Variants in PTPRQ observed in about 807,000 individuals in gnomAD.
PTPRQ encodes phosphatidylinositol phosphatase PTPRQ.
Under a neutral mutation model 246.0 loss-of-function variants are expected in PTPRQ, and 199 were observed. That is an observed-to-expected ratio of 0.81 (90% confidence interval 0.72 to 0.91). The LOEUF is 0.91. PTPRQ is among the 40% of genes least tolerant of loss of function. PTPRQ has a pLI of 0.00. For synonymous variants in PTPRQ, 869 were observed against 853.2 expected (o/e 1.02, Z -0.32); for missense variants, 2,624 against 2,528.4 (o/e 1.04, Z -0.81).
At chr12:80,557,396 C>T (rs1431408320) in intron 25 of PTPRQ, among the ~76,000 whole-genome samples, 1 of 151,086 alleles carries the variant, frequency 6.6e-6, no homozygotes, top group African/African-American at 2.4e-5. Flanking sequence ...TGCATGGGGA[C>T]AGAGATTTTT....
Position 80,669,056 on chromosome 12 carries a change from G to A in PTPRQ, c.6242G>A (p.Gly2081Glu). ...EFIATQGPLPGTVGDFWRMVW... is the reference protein window; with the variant it reads ...EFIATQGPLPETVGDFWRMVW... ...ATTGCTACTCAAGGTCCACTACCAGGAACAGTTGGAGATTTTTGGAGAATG... is the reference window on the plus strand; with the variant it reads ...ATTGCTACTCAAGGTCCACTACCAGAAACAGTTGGAGATTTTTGGAGAATG... Residue 2081 changes from glycine to glutamate, a missense_variant, in exon 40 of 45, where the codon GGA becomes GAA. Coordinates refer to ENST00000644991, the MANE Select transcript of PTPRQ (RefSeq NM_001145026.2). 1 of 1,550,510 alleles carries A rather than the reference G, an allele frequency of 6.4e-7. No homozygotes were observed. Among genetic ancestry groups the A allele is most frequent in the Non-Finnish European group, 8.7e-7 (1 of 1,146,066 alleles).
chr12:80,659,638 AC>A (rs1900562866), intron 39 of PTPRQ, among the ~76,000 whole-genome samples: 1 of 152,002 alleles, frequency 6.6e-6, no homozygotes, highest in Non-Finnish European at 1.5e-5. Flanking sequence ...ATTTTCGCAA[AC>A]CCCCAGTGTC....
chr12:80,546,005 A>G (rs1896293549), intron 23 of PTPRQ, among the ~76,000 whole-genome samples: 1 of 152,044 alleles, frequency 6.6e-6, no homozygotes, highest in Non-Finnish European at 1.5e-5. Flanking sequence ...ATGAAAATAA[A>G]ACACTCTAGT....
chr12:80,471,525 T>C (rs1424176862), intron 7 of PTPRQ, among the ~76,000 whole-genome samples: 1 of 25,674 alleles, frequency 3.9e-5, no homozygotes, highest in Non-Finnish European at 7.4e-5. Flanking sequence ...TCGCCCAGGC[T>C]GGAGTGCAGT....
intron 17 of PTPRQ, among the ~76,000 whole-genome samples, chr12:80,529,395 T>C (rs778978880): frequency 1.1e-4 from 16 of 152,152 alleles, no homozygotes; most frequent in Non-Finnish European, 2.1e-4. Context: ...TCAGGGTAGA[T>C]TATGCACATG....
At chr12:80,468,062 G>T (rs1193152705) in intron 6 of PTPRQ, among the ~76,000 whole-genome samples, 2 of 151,958 alleles carry the variant, frequency 1.3e-5, no homozygotes, top group African/African-American at 4.8e-5. Context: ...GGTGAAATTT[G>T]CTAGACAATA....
rs548692924 is a variant in PTPRQ, at chr12:80,581,482, G to A, written c.4286-6647G>A. 5.1e-4 allele frequency among the ~76,000 whole-genome samples: 78 copies of A among 152,002 alleles called. 1 individual carries two copies. Among genetic ancestry groups the A allele is most frequent in the African/African-American group, 1.4e-3 (56 of 41,466 alleles). ...GCAACTCCATCTCTACAAAAAGTACGAAATTAGTTGGGTGTGATGGCACAC... is the reference window on the plus strand; with the variant it reads ...GCAACTCCATCTCTACAAAAAGTACAAAATTAGTTGGGTGTGATGGCACAC... On this transcript the variant is annotated intron_variant, in intron 25 of 44. Transcript: ENST00000644991.
At chr12:80,542,063 T>C (rs1295544840) in intron 21 of PTPRQ, 26 bp from the exon 22 acceptor site, 5 of 1,526,434 alleles carry the variant, frequency 3.3e-6, no homozygotes, top group African/African-American at 1.4e-5. Flanking sequence ...TTTTGTTTCA[T>C]TTAATATTCT....
In PTPRQ at chr12:80,542,358, G is replaced by T; in HGVS notation, c.3715G>T (p.Glu1239Ter). Residue 1239 changes from glutamate to a stop codon, truncating the protein, a stop_gained, in exon 22 of 45, where the codon GAG (glutamate) becomes TAG (stop). Coordinates refer to ENST00000644991, the MANE Select transcript of PTPRQ (RefSeq NM_001145026.2). LOFTEE classifies it high-confidence loss of function. ...CAGTATTCTTTTCTTTTACACAGAT[G>T]AGTCAGGTAAGCCAGAATCCACATT... ...PSSILFFYTD[E>*]SVPLAPPQNL... The T allele has an allele frequency of 6.5e-7, 1 of 1,532,148 alleles. No individual in the cohort carries two copies. Among genetic ancestry groups the T allele is most frequent in the South Asian group, 1.3e-5 (1 of 79,006 alleles). The allele number at this position is 1,532,148 out of a possible 1,614,324, so 94.9% of individuals were successfully genotyped here.
At chr12:80,623,215 G>T (rs986969919) in intron 33 of PTPRQ, among the ~76,000 whole-genome samples, 2 of 152,076 alleles carry the variant, frequency 1.3e-5, no homozygotes, top group African/African-American at 4.8e-5. Flanking sequence ...ATTCTCATTG[G>T]GTTATGGAAA....
intron 20 of PTPRQ, among the ~76,000 whole-genome samples, chr12:80,540,744 A>G (rs1223830666): frequency 1.3e-5 from 2 of 152,100 alleles, no homozygotes; most frequent in East Asian, 1.9e-4. Context: ...TAAATGATAA[A>G]TGTGGGGAAA....
chr12:80,552,712 G>A (rs556256737), intron 25 of PTPRQ, among the ~76,000 whole-genome samples: 7 of 123,116 alleles, frequency 5.7e-5, no homozygotes, highest in Admixed American at 3.8e-4. Context: ...TTTGAATTCC[G>A]TCTTAACTCA....
At chr12:80,532,803 G>A (rs1036501490) in intron 17 of PTPRQ, among the ~76,000 whole-genome samples, 4 of 152,238 alleles carry the variant, frequency 2.6e-5, no homozygotes, top group South Asian at 2.1e-4. Context: ...CACATACTCC[G>A]AATCCATATT....
intron 8 of PTPRQ, among the ~76,000 whole-genome samples, chr12:80,475,434 T>A (rs564299214): frequency 6.6e-6 from 1 of 152,244 alleles, no homozygotes; most frequent in South Asian, 2.1e-4. Flanking sequence ...TGTATCGACT[T>A]GAGAATGACT....
chr12:80,475,542 A>G (rs1348940789), intron 8 of PTPRQ, among the ~76,000 whole-genome samples: 1 of 152,086 alleles, frequency 6.6e-6, no homozygotes. Flanking sequence ...TTGTATCAAT[A>G]TTAAAGTCTT....
intron 26 of PTPRQ, among the ~76,000 whole-genome samples, chr12:80,594,842 A>T (rs1897917156): frequency 6.6e-6 from 1 of 152,140 alleles, no homozygotes; most frequent in African/African-American, 2.4e-5. Flanking sequence ...ATTACAAAAG[A>T]GATCTAAATG....
chr12:80,669,308 G>A (rs760438624), intron 40 of PTPRQ, 31 bp from the exon 41 acceptor site: 21 of 1,546,742 alleles, frequency 1.4e-5, no homozygotes, highest in South Asian at 9.7e-5. Flanking sequence ...TAACAATGAC[G>A]CTTATGACTG....
At chr12:80,552,132 T>A (rs965056964) in intron 25 of PTPRQ, among the ~76,000 whole-genome samples, 4 of 152,094 alleles carry the variant, frequency 2.6e-5, no homozygotes, top group African/African-American at 9.7e-5. Context: ...TCCGATATTC[T>A]GTATGTATTG....
At position 80,622,076 on chromosome 12, in the gene PTPRQ, T is replaced by C. The variant is rs1180147066; in HGVS notation, c.5628T>C (p.Ala1876=). The part of the protein sequence containing the change: ...PKKQYLFKFR[A]TNIMGQFTDS... ...TATTTTATAGATTTAAATTTAGAGC[T>C]ACAAATATTATGGGACAATTTACTG... The change falls in exon 33 of 45, where the codon GCT becomes GCC. Residue 1876 remains alanine (A), a synonymous_variant. Coordinates refer to ENST00000644991, the MANE Select transcript of PTPRQ (RefSeq NM_001145026.2). 1.4e-6 allele frequency: 2 copies of C among 1,431,646 alleles called. No individual in the cohort carries two copies. Among genetic ancestry groups the C allele is most frequent in the East Asian group, 2.8e-5 (1 of 35,920 alleles). 88.7% of individuals were successfully genotyped at this position (1,431,646 alleles called of 1,614,324 possible).
Sources: gnomAD v4.1 joint callset for allele counts (sites outside exome capture counted in the v4.1 genomes callset) on GRCh38, gnomAD v4.1.1 for gene constraint, MANE v1.5 for transcripts, NCBI Gene and HGNC (gene_info 2026-07-23, HGNC 2026-07-21) for gene names.